The following DGKB variants were observed in gnomAD, a reference collection of about 807,000 sequenced individuals.
DGKB encodes diacylglycerol kinase beta.
A neutral mutation model predicts 114.3 loss-of-function variants in DGKB; 67 were observed. The ratio of observed to expected loss-of-function variants is 0.59; its 90% CI spans 0.48 to 0.72. The LOEUF (loss-of-function observed/expected upper bound fraction) is 0.72. DGKB is among the 30% of genes least tolerant of loss of function. The pLI is 0.00. For synonymous variants in DGKB, 398 were observed against 323.1 expected, an observed-to-expected ratio of 1.23 and a Z score of -2.49; for missense variants, 907 against 975.2, an observed-to-expected ratio of 0.93 and a Z score of 0.93.
At chr7:14,916,393 T>G (rs1360840930) in intron 1 of DGKB, among the ~76,000 whole-genome samples, 2 of 151,838 alleles carry the variant, frequency 1.3e-5, no homozygotes, top group African/African-American at 4.8e-5. Flanking sequence ...ATACATACAA[T>G]AAAAACTTGT....
At chr7:14,613,572 TGTG>T (rs1563680402) in intron 15 of DGKB, among the ~76,000 whole-genome samples, 159 bp from the exon 16 acceptor site, 167 of 134,994 alleles carry the variant, frequency 1.2e-3, no homozygotes, top group Middle Eastern at 4.0e-3. Flanking sequence ...TGTGCGTGTG[TGTG>T]CGTGTGTATG....
intron 23 of DGKB, among the ~76,000 whole-genome samples, chr7:14,184,137 G>A (rs1442362588): frequency 6.6e-6 from 1 of 152,202 alleles, no homozygotes; most frequent in African/African-American, 2.4e-5. Context: ...GGCCCTGGGA[G>A]CTCCTGGAGT....
At chr7:14,516,012 C>T (rs1788730572) in intron 20 of DGKB, among the ~76,000 whole-genome samples, 1 of 152,022 alleles carries the variant, frequency 6.6e-6, no homozygotes, top group South Asian at 2.1e-4. Context: ...CACCACCTGG[C>T]TAATTTGTTT....
At chr7:14,379,822 TGTTGGG>T (rs1819121303) in intron 21 of DGKB, among the ~76,000 whole-genome samples, 1 of 151,154 alleles carries the variant, frequency 6.6e-6, no homozygotes, top group Non-Finnish European at 1.5e-5. Context: ...CCTCCCAAAG[TGTTGGG>T]ATTACAGGCG....
chr7:14,460,369 A>G (rs1325597384), intron 21 of DGKB, among the ~76,000 whole-genome samples: 1 of 152,088 alleles, frequency 6.6e-6, no homozygotes, highest in African/African-American at 2.4e-5. Flanking sequence ...ACATGCAAAG[A>G]CACACATAGG....
At chr7:14,941,570 T>G (rs1246728895) in intron 1 of DGKB, among the ~76,000 whole-genome samples, 1 of 152,108 alleles carries the variant, frequency 6.6e-6, no homozygotes, top group Non-Finnish European at 1.5e-5. Flanking sequence ...CTTGTGAAGA[T>G]GGTTTACAGT....
intron 21 of DGKB, among the ~76,000 whole-genome samples, chr7:14,373,487 C>A (rs1455348233): frequency 6.6e-6 from 1 of 151,966 alleles, no homozygotes; most frequent in Non-Finnish European, 1.5e-5. Context: ...GAGTTCTTTG[C>A]CAAAAATAAA....
chr7:14,589,519 T>C (rs897644368), intron 17 of DGKB, among the ~76,000 whole-genome samples: 7 of 152,034 alleles, frequency 4.6e-5, no homozygotes, highest in Non-Finnish European at 1.0e-4. Flanking sequence ...TATTGAGATT[T>C]TATTTTTCTT....
intron 1 of DGKB, among the ~76,000 whole-genome samples, chr7:14,869,419 G>A (rs1038796388): frequency 6.6e-6 from 1 of 151,872 alleles, no homozygotes; most frequent in African/African-American, 2.4e-5. Context: ...CTGACACATT[G>A]TATTACAACT....
chr7:14,815,923 G>A (rs557375189), intron 2 of DGKB, among the ~76,000 whole-genome samples: 1 of 152,294 alleles, frequency 6.6e-6, no homozygotes, highest in African/African-American at 2.4e-5. Flanking sequence ...TGAAACTGAA[G>A]GAAGAATATG....
intron 21 of DGKB, among the ~76,000 whole-genome samples, chr7:14,380,895 A>G (rs1390065036): frequency 1.3e-5 from 2 of 152,232 alleles, no homozygotes; most frequent in Non-Finnish European, 2.9e-5. Flanking sequence ...TTATGTTTTG[A>G]TACATGGCAA....
At chr7:14,562,505 A>T (rs1368747953) in intron 20 of DGKB, among the ~76,000 whole-genome samples, 2 of 152,190 alleles carry the variant, frequency 1.3e-5, no homozygotes, top group African/African-American at 4.8e-5. Context: ...AGCAGCCAGG[A>T]GGGAAGATGT....
chr7:14,249,409 G>T (rs1031120251), intron 23 of DGKB, among the ~76,000 whole-genome samples: 5 of 152,142 alleles, frequency 3.3e-5, no homozygotes, highest in Admixed American at 3.3e-4. Flanking sequence ...GAAGAGTTTA[G>T]GAAGCACTGG....
chr7:14,847,839 T>C (rs1848843568), intron 1 of DGKB, among the ~76,000 whole-genome samples: 1 of 152,158 alleles, frequency 6.6e-6, no homozygotes, highest in East Asian at 1.9e-4. Flanking sequence ...ATTAAAAACA[T>C]CCTGAGCAGA....
intron 21 of DGKB, among the ~76,000 whole-genome samples, chr7:14,387,782 C>A (rs769121523): frequency 1.3e-5 from 2 of 151,802 alleles, no homozygotes; most frequent in Non-Finnish European, 2.9e-5. Context: ...TTTTCCTTTT[C>A]AACATTTTTA....
At chr7:14,728,730 G>C (rs1265663613) in intron 5 of DGKB, among the ~76,000 whole-genome samples, 1 of 146,988 alleles carries the variant, frequency 6.8e-6, no homozygotes, top group Non-Finnish European at 1.5e-5. Context: ...CTGAGATGGA[G>C]TCTCGCTCTG....
chr7:14,820,961 G>C (rs768922254), intron 2 of DGKB, among the ~76,000 whole-genome samples: 1 of 152,030 alleles, frequency 6.6e-6, no homozygotes, highest in Non-Finnish European at 1.5e-5. Flanking sequence ...AACAACTTAG[G>C]TATATACAGT....
intron 13 of DGKB, among the ~76,000 whole-genome samples, chr7:14,644,043 T>C (rs1263626122): frequency 1.3e-5 from 2 of 151,726 alleles, no homozygotes; most frequent in Non-Finnish European, 2.9e-5. Context: ...AAGAAAGTTA[T>C]GACAGAGCCT....
chr7:14,170,897 G>T (rs138979020), intron 25 of DGKB, among the ~76,000 whole-genome samples: 1 of 152,212 alleles, frequency 6.6e-6, no homozygotes, highest in Admixed American at 6.5e-5. Flanking sequence ...CAAGCAGTCA[G>T]TGTCCAAGTC....
Sources: allele counts gnomAD v4.1 joint callset (sites outside exome capture counted in the v4.1 genomes callset), GRCh38; gene constraint gnomAD v4.1.1; transcripts MANE v1.5; gene names NCBI Gene and HGNC (gene_info 2026-07-23, HGNC 2026-07-21).